The following MUC5AC variants were observed in gnomAD, a reference collection of about 807,000 sequenced individuals.
MUC5AC encodes mucin-5AC.
A neutral mutation model predicts 169.7 loss-of-function variants in MUC5AC; 158 were observed. That is an observed-to-expected ratio of 0.93 (90% CI 0.82 to 1.06). The LOEUF is 1.06. Among genes scored for constraint, MUC5AC ranks in the 50% least tolerant of loss-of-function variants. The pLI is 0.00. For missense variants in MUC5AC, 4,359 were observed against 3,089.9 expected (o/e 1.41, Z -9.74); for synonymous variants, 1,975 against 1,237.0 (o/e 1.60, Z -12.52).
Position 1,184,369 on chromosome 11 carries a change from A to G in MUC5AC, c.6224A>G (p.Gln2075Arg). 2.0e-6 allele frequency: 1 copy of G among 497,918 alleles called. No individual in the cohort carries two copies. Among genetic ancestry groups the G allele is most frequent in the Non-Finnish European group, 3.5e-6 (1 of 283,618 alleles). 30.8% of individuals were successfully genotyped at this position (497,918 alleles called of 1,614,324 possible). The change falls in exon 31 of 49, where the codon CAG becomes CGG. Residue 2075 changes from glutamine to arginine, a missense_variant. Gln to Arg is a conservative substitution (Grantham distance 43). Coordinates refer to ENST00000621226, the MANE Select transcript of MUC5AC (RefSeq NM_001304359.2). ...PTPHPTGAQT[Q>R]TTFTTHMPSA... is the part of the protein sequence containing the mutation. ...CCACATCCAACCGGAGCTCAGACCC[A>G]GACCACCTTCACCACACACATGCCC...
chr11:1,192,701 G>A (rs1247299457), intron 31 of MUC5AC, 82 bp from the exon 32 acceptor site: 3 of 692,232 alleles, frequency 4.3e-6, no homozygotes, highest in Non-Finnish European at 7.9e-6. Flanking sequence ...GTGGTAGAAA[G>A]TGCCCCTCTG....
chr11:1,162,420 C>A, intron 4 of MUC5AC, 112 bp from the exon 5 acceptor site: 1 of 1,090,144 alleles, frequency 9.2e-7, no homozygotes, highest in Non-Finnish European at 1.3e-6. Flanking sequence ...CCATCCCAGA[C>A]GCGACTTCAC....
At chr11:1,161,819 G>A (rs1001450728) in intron 3 of MUC5AC, 88 bp from the exon 4 acceptor site, 49 of 1,505,304 alleles carry the variant, frequency 3.3e-5, no homozygotes, top group Non-Finnish European at 3.9e-5. Flanking sequence ...AGGACCCTGG[G>A]GAGGGGCAGG....
chr11:1,178,718 G>A (rs1440551018), intron 25 of MUC5AC, 35 bp downstream of exon 25: 2 of 1,136,882 alleles, frequency 1.8e-6, no homozygotes, highest in Non-Finnish European at 2.3e-6. Context: ...CTGGGCCCAA[G>A]GGGGTCATGG....
rs1200677751 is a variant in MUC5AC, at chr11:1,175,666, G to A, written c.2401+396G>A. 1.4e-4 allele frequency among the ~76,000 whole-genome samples: 17 copies of A among 122,750 alleles called. 1 individual carries two copies. The highest frequency in any genetic ancestry group is 1.3e-3 in the East Asian group (5 of 3,906). The allele number at this position is 122,750 out of a possible 152,430, so 80.5% of individuals were successfully genotyped here. A position where few individuals can be genotyped will look rare whatever the true frequency, so the allele number is the denominator to read the frequency against. ...CACTCACACACCCACTCATACACAC[G>A]CACTCACACCCACTCATGCACACAC... On this transcript the variant is annotated intron_variant, in intron 19 of 48. Transcript: ENST00000621226.
intron 23 of MUC5AC, 53 bp from the exon 24 acceptor site, chr11:1,177,401 T>C (rs887201562): frequency 4.9e-6 from 2 of 406,186 alleles, no homozygotes; most frequent in East Asian, 3.5e-5. Context: ...CAGCGTCTGG[T>C]CAGGTGGGCT....
chr11:1,199,105 C>A lies in MUC5AC; in HGVS notation c.16315C>A (p.Gln5439Lys), dbSNP rs1426923036. Residue 5439 changes from glutamine to lysine, a missense_variant, in exon 45 of 49, where the codon CAG becomes AAG. Gln to Lys is a moderately conservative substitution (Grantham distance 53). Coordinates refer to ENST00000621226, the MANE Select transcript of MUC5AC (RefSeq NM_001304359.2). ...CCCGCAGGGCTTCGAGTACCAGGAG[C>A]AGAGCGGGCAGTGCTGTGGCACCTG... ...HCPVGFEYQE[Q>K]SGQCCGTCVQ... 1.3e-6 allele frequency: 1 copy of A among 764,682 alleles called. No homozygotes were observed. The highest frequency in any genetic ancestry group is 2.4e-6 in the Non-Finnish European group (1 of 417,724). 47.4% of individuals were successfully genotyped at this position (764,682 alleles called of 1,614,324 possible).
rs1264107874 is a variant in MUC5AC, at chr11:1,182,167, C to T, written c.4022C>T (p.Thr1341Met). Residue 1341 changes from threonine to methionine, a missense_variant, in exon 31 of 49, where the codon ACG (threonine) becomes ATG (methionine). Physicochemically the swap from Thr to Met is moderately conservative, Grantham distance 81 (BLOSUM62 -1). Transcript: ENST00000621226. Reference protein sequence around the residue: ...FSTPPLVVSSTHTPSNGPSSA... With the variant: ...FSTPPLVVSSMHTPSNGPSSA... The stretch of plus-strand genomic sequence containing the variant: ...CTTCTGCCCACAGTCGTGAGCTCCA[C>T]GCACACCCCCAGCAATGGCCCAAGC... 13 of 398,658 alleles carry T rather than the reference C, an allele frequency of 3.3e-5. No homozygotes were observed. Among genetic ancestry groups the T allele is most frequent in the East Asian group, 1.8e-4 (5 of 28,060 alleles). The allele number at this position is 398,658 out of a possible 1,614,324, so 24.7% of individuals were successfully genotyped here.
Position 1,186,648 on chromosome 11 carries a change from A to G in MUC5AC, c.8503A>G (p.Thr2835Ala). ...CAGCACAACTTCTGGTCCTGGAACT[A>G]CTTCAAGCCCTGTTCCCACCACCAG... ...TTSTTSGPGTTSSPVPTTSTT... is the reference protein window; with the variant it reads ...TTSTTSGPGTASSPVPTTSTT... Residue 2835 changes from threonine (T) to alanine (A), a missense_variant, in exon 31 of 49, where the codon ACT becomes GCT. Thr to Ala is a moderately conservative substitution (Grantham distance 58). Transcript: ENST00000621226. 2 of 736,390 alleles carry G rather than the reference A, an allele frequency of 2.7e-6. No individual in the cohort carries two copies. The highest frequency in any genetic ancestry group is 1.4e-5 in the South Asian group (1 of 70,488). 45.6% of individuals were successfully genotyped at this position (736,390 alleles called of 1,614,324 possible).
In MUC5AC at chr11:1,169,001, C is replaced by A; in HGVS notation, c.1845C>A (p.Asp615Glu). ...CCAACATCAGGAACAGCTTCGAGGA[C>A]CCCTGCTCTCTGAGCGTGGAGAATG... ...ACPNIRNSFE[D>E]PCSLSVENEK... Residue 615 changes from aspartate to glutamate, a missense_variant, in exon 15 of 49, where the codon GAC becomes GAA. Physicochemically the swap from Asp to Glu is conservative, Grantham distance 45. Coordinates refer to ENST00000621226, the MANE Select transcript of MUC5AC (RefSeq NM_001304359.2). The A allele has an allele frequency of 1.5e-5, 24 of 1,600,452 alleles. No homozygotes were observed. Among genetic ancestry groups the A allele is most frequent in the Non-Finnish European group, 2.0e-5 (24 of 1,172,944 alleles).
At position 1,196,633 on chromosome 11, in the gene MUC5AC, G is replaced by A. The variant is rs777219114; in HGVS notation, c.15742G>A (p.Gly5248Ser). 5.8e-5 allele frequency: 44 copies of A among 762,240 alleles called. No homozygotes were observed. The highest frequency in any genetic ancestry group is 9.6e-5 in the Non-Finnish European group (40 of 416,788). 47.2% of individuals were successfully genotyped at this position (762,240 alleles called of 1,614,324 possible). A position where few individuals can be genotyped will look rare whatever the true frequency, so the allele number is the denominator to read the frequency against. ...TCTCTACAGGGCTCTGCCGGAGGCC[G>A]GCCCCATCACCGAAGGCTGCTTCTG... ...SASLGALPEA[G>S]PITEGCFCPE... Residue 5248 changes from glycine to serine, a missense_variant, in exon 39 of 49, where the codon GGC becomes AGC. Physicochemically the swap from Gly to Ser is moderately conservative, Grantham distance 56. Coordinates refer to ENST00000621226, the MANE Select transcript of MUC5AC (RefSeq NM_001304359.2).
At position 1,183,277 on chromosome 11, in the gene MUC5AC, C is replaced by T. The variant is rs2133753397; in HGVS notation, c.5132C>T (p.Ser1711Leu). 1 of 416,852 alleles carries T rather than the reference C, an allele frequency of 2.4e-6. No individual in the cohort carries two copies. Among genetic ancestry groups the T allele is most frequent in the Non-Finnish European group, 4.0e-6 (1 of 249,792 alleles). 25.8% of individuals were successfully genotyped at this position (416,852 alleles called of 1,614,324 possible). ...TQTTFTTHMP[S>L]ASTEQPTATS... ...ACCACCTTCACCACACACATGCCCT[C>T]GGCCTCCACAGAGCAACCCACGGCA... Residue 1711 changes from serine (S) to leucine (L), a missense_variant, in exon 31 of 49, where the codon TCG (serine) becomes TTG (leucine). Transcript: ENST00000621226.
At chr11:1,176,049 C>T (rs1860678012) in intron 19 of MUC5AC, 102 bp from the exon 20 acceptor site, 1 of 398,632 alleles carries the variant, frequency 2.5e-6, no homozygotes, top group African/African-American at 2.1e-5. Flanking sequence ...CACGCACCCA[C>T]TCAATGTGCA....
intron 32 of MUC5AC, 148 bp from the exon 33 acceptor site, chr11:1,193,337 G>T: frequency 3.3e-6 from 2 of 606,026 alleles, no homozygotes. Flanking sequence ...GTCTGGGGTG[G>T]GTGCTGAGGG....
At chr11:1,197,790 G>A (rs1590154392) in intron 41 of MUC5AC, 113 bp from the exon 42 acceptor site, 1 of 636,378 alleles carries the variant, frequency 1.6e-6, no homozygotes, top group Non-Finnish European at 2.9e-6. Flanking sequence ...GCCTCATCTG[G>A]AGACCCCCGA....
intron 45 of MUC5AC, 70 bp from the exon 46 acceptor site, chr11:1,199,301 C>G (rs889759667): frequency 1.4e-6 from 1 of 697,520 alleles, no homozygotes; most frequent in African/African-American, 1.7e-5. Flanking sequence ...TGGAAGCCCA[C>G]GGGCTGGGGT....
chr11:1,161,920 G>A lies in MUC5AC; in HGVS notation c.225G>A (p.Ala75=), dbSNP rs767991103. 5.6e-6 allele frequency: 9 copies of A among 1,611,428 alleles called. No individual in the cohort carries two copies. The highest frequency in any genetic ancestry group is 1.7e-5 in the Admixed American group (1 of 59,850). The change falls in exon 4 of 49, where the codon GCG becomes GCA. Residue 75 remains alanine (A), a synonymous_variant. Coordinates refer to ENST00000621226, the MANE Select transcript of MUC5AC (RefSeq NM_001304359.2). ...TIPVVRASNP[A]HNGRVCSTWG... ...CTTCCACCGCAGCCTCCAACCCGGC[G>A]CACAACGGGCGGGTGTGCAGCACCT...
rs1861021314 is a variant in MUC5AC at position 1,189,140 on chromosome 11, C to G, written c.10995C>G (p.Thr3665=). The G allele has an allele frequency of 1.0e-5, 6 of 591,140 alleles. No individual in the cohort carries two copies. Among genetic ancestry groups the G allele is most frequent in the Non-Finnish European group, 1.8e-5 (6 of 330,440 alleles). The allele number at this position is 591,140 out of a possible 1,614,324, so 36.6% of individuals were successfully genotyped here. ...CCACTTTGGTGACAAGCAGCATAACCTCCACTACACAGACCAGCACAACCT... is the reference window on the plus strand; with the variant it reads ...CCACTTTGGTGACAAGCAGCATAACGTCCACTACACAGACCAGCACAACCT... The part of the protein sequence containing the change: ...RTTTLVTSSI[T]STTQTSTTSA... Residue 3665 remains threonine, a synonymous_variant, in exon 31 of 49, where the codon ACC becomes ACG. Transcript: ENST00000621226.
chr11:1,172,947 C>T (rs1382020640), intron 16 of MUC5AC, among the ~76,000 whole-genome samples: 1 of 149,660 alleles, frequency 6.7e-6, no homozygotes, highest in Non-Finnish European at 1.5e-5. Context: ...CTCACTCGCC[C>T]ACTCACCCAT....
Sources: gnomAD v4.1 joint callset for allele counts (sites outside exome capture counted in the v4.1 genomes callset) on GRCh38, gnomAD v4.1.1 for gene constraint, MANE v1.5 for transcripts, NCBI Gene and HGNC (gene_info 2026-07-23, HGNC 2026-07-21) for gene names.